Variants in RAB6A observed in about 807,000 individuals in gnomAD.
RAB6A encodes RAB6A, member RAS oncogene family, also known as ras-related protein Rab-6A.
RAB6A carries 8 observed loss-of-function variants against 32.3 expected under a neutral mutation model. The ratio of observed to expected loss-of-function variants is 0.25; its 90% confidence interval spans 0.15 to 0.45. The LOEUF (loss-of-function observed/expected upper bound fraction) is 0.45. Among genes scored for constraint, RAB6A ranks in the 20% least tolerant of loss-of-function variants. The pLI is 1.00. For synonymous variants in RAB6A, 73 were observed against 82.1 expected, an observed-to-expected ratio of 0.89 and a Z score of 0.60; for missense variants, 104 against 249.4, an observed-to-expected ratio of 0.42 and a Z score of 3.93.
At chr11:73,725,810 T>TA (rs1946209162) in intron 2 of RAB6A, among the ~76,000 whole-genome samples, 2 of 151,936 alleles carry the variant, frequency 1.3e-5, no homozygotes, top group South Asian at 4.2e-4. Flanking sequence ...GAGTCTAAGC[T>TA]AAAAAAGGAG....
At chr11:73,678,344 C>T (rs1030007562) in intron 7 of RAB6A, among the ~76,000 whole-genome samples, 16 of 152,178 alleles carry the variant, frequency 1.1e-4, no homozygotes, top group African/African-American at 3.6e-4. Context: ...AGGCCGGGTG[C>T]CGTGGCTCAT....
intron 2 of RAB6A, among the ~76,000 whole-genome samples, chr11:73,725,659 C>T (rs1471004265): frequency 6.6e-6 from 1 of 152,058 alleles, no homozygotes; most frequent in Admixed American, 6.5e-5. Flanking sequence ...TGTGGGAAAC[C>T]ACCCCCAATG....
intron 2 of RAB6A, among the ~76,000 whole-genome samples, chr11:73,724,765 C>G (rs1469886153): frequency 6.6e-6 from 1 of 152,150 alleles, no homozygotes; most frequent in Non-Finnish European, 1.5e-5. Flanking sequence ...GGATTACAGG[C>G]GTGAGCCACT....
At chr11:73,716,494 C>A in intron 4 of RAB6A, 132 bp from the exon 5 acceptor site, 1 of 564,642 alleles carries the variant, frequency 1.8e-6, no homozygotes. Flanking sequence ...TTTAATGTGC[C>A]TGCAACATAA....
chr11:73,678,656 C>T (rs1423826461), intron 7 of RAB6A, among the ~76,000 whole-genome samples: 1 of 150,972 alleles, frequency 6.6e-6, no homozygotes, highest in African/African-American at 2.4e-5. Flanking sequence ...TACTTCAACT[C>T]AATAGAACAT....
Position 73,677,883 on chromosome 11 carries a change from A to G in RAB6A, c.*15T>C, listed in dbSNP as rs749343424. ...GCAGTGAGCTTCTGAAGAAGGTTGAAGATGACATGGGAGATTAGCAGGAAC... is the reference window on the plus strand; with the variant it reads ...GCAGTGAGCTTCTGAAGAAGGTTGAGGATGACATGGGAGATTAGCAGGAAC... On this transcript the variant is annotated 3_prime_UTR_variant, in exon 8 of 8. Coordinates refer to ENST00000336083, the MANE Select transcript of RAB6A (RefSeq NM_198896.2). 3 of 1,614,194 alleles carry G rather than the reference A, an allele frequency of 1.9e-6. No individual in the cohort carries two copies. The South Asian group carries it at 3.3e-5, about 18-fold the overall frequency.
intron 5 of RAB6A, among the ~76,000 whole-genome samples, chr11:73,713,057 CATCTT>C (rs766413100): frequency 3.9e-4 from 59 of 152,172 alleles, no homozygotes; most frequent in Non-Finnish European, 7.1e-4. Context: ...TCATCTTGTT[CATCTT>C]ATCTTATAAC....
chr11:73,759,328 C>T (rs1055959959), intron 1 of RAB6A, among the ~76,000 whole-genome samples: 1 of 151,488 alleles, frequency 6.6e-6, no homozygotes, highest in Non-Finnish European at 1.5e-5. Context: ...TATAATACAG[C>T]ATAAAACTGG....
intron 4 of RAB6A, among the ~76,000 whole-genome samples, chr11:73,717,604 C>A (rs913512176): frequency 6.6e-6 from 1 of 152,226 alleles, no homozygotes; most frequent in Non-Finnish European, 1.5e-5. Flanking sequence ...ACCACCACAC[C>A]TGGCTAATTT....
At chr11:73,715,691 G>A (rs1329713761) in intron 5 of RAB6A, among the ~76,000 whole-genome samples, 1 of 152,214 alleles carries the variant, frequency 6.6e-6, no homozygotes, top group East Asian at 1.9e-4. Context: ...GTCCTACAGT[G>A]AATGTTAATA....
intron 4 of RAB6A, among the ~76,000 whole-genome samples, chr11:73,717,407 AATGGTTCAT>A (rs2134944118): frequency 6.6e-6 from 1 of 152,344 alleles, no homozygotes; most frequent in African/African-American, 2.4e-5. Context: ...GGCTGGGCAC[AATGGTTCAT>A]GCCTGTAACC....
At chr11:73,739,868 G>T (rs1315996173) in intron 1 of RAB6A, among the ~76,000 whole-genome samples, 1 of 151,942 alleles carries the variant, frequency 6.6e-6, no homozygotes, top group Non-Finnish European at 1.5e-5. Flanking sequence ...CACCACCCTG[G>T]CTAACACAGT....
rs115853831 is a variant in RAB6A, at chr11:73,757,608, C to T, written c.70+2958G>A. 1.1e-3 allele frequency among the ~76,000 whole-genome samples: 173 copies of T among 152,122 alleles called. 1 individual carries two copies. Among genetic ancestry groups the T allele is most frequent in the African/African-American group, 4.0e-3 (164 of 41,492 alleles). On this transcript the variant is annotated intron_variant, in intron 1 of 7. Transcript: ENST00000336083. ...ATTTAACAACTTTAATAAAGGAAGACGAATTTTGCTCAACTCAAAAAAAAG... is the reference window on the plus strand; with the variant it reads ...ATTTAACAACTTTAATAAAGGAAGATGAATTTTGCTCAACTCAAAAAAAAG...
At chr11:73,736,809 G>GAAAAAAAAAAAAAAAAAAAAA (rs756237159) in intron 1 of RAB6A, among the ~76,000 whole-genome samples, 1 of 108,764 alleles carries the variant, frequency 9.2e-6, no homozygotes, top group Non-Finnish European at 1.7e-5. Context: ...AAAAAAAAAA[G>GAAAAAAAAAAAAAAAAAAAAA]AAAAAAAAAA....
chr11:73,679,287 G>A (rs1480342556), intron 7 of RAB6A, among the ~76,000 whole-genome samples: 3 of 152,212 alleles, frequency 2.0e-5, no homozygotes, highest in Admixed American at 1.3e-4. Flanking sequence ...TCTTGCCTGT[G>A]TCAAGTAGAA....
rs2134852696 is a variant in RAB6A, at chr11:73,676,692, CT to C, written c.*1205del. 1 of 167,180 alleles carries C rather than the reference CT, an allele frequency of 6.0e-6. No homozygotes were observed. Among genetic ancestry groups the C allele is most frequent in the South Asian group, 2.1e-4 (1 of 4,822 alleles). The allele number at this position is 167,180 out of a possible 1,614,324, so 10.4% of individuals were successfully genotyped here. On this transcript the variant is annotated 3_prime_UTR_variant, in exon 8 of 8. Coordinates refer to ENST00000336083, the MANE Select transcript of RAB6A (RefSeq NM_198896.2). ...ATTTCCATTCTCTCCTTTCCCTCTACTATGTATGCTTTACCTGATCTGCCTC... is the reference window on the plus strand; with the variant it reads ...ATTTCCATTCTCTCCTTTCCCTCTACATGTATGCTTTACCTGATCTGCCTC...
intron 2 of RAB6A, among the ~76,000 whole-genome samples, chr11:73,726,017 T>A (rs1946213536): frequency 6.6e-6 from 1 of 152,066 alleles, no homozygotes; most frequent in Non-Finnish European, 1.5e-5. Flanking sequence ...CCGGGCATGG[T>A]GGCTCACATC....
chr11:73,695,225 T>C (rs1945637744), intron 6 of RAB6A, among the ~76,000 whole-genome samples: 1 of 151,964 alleles, frequency 6.6e-6, no homozygotes, highest in Non-Finnish European at 1.5e-5. Context: ...TACTTCTTGG[T>C]TTAAAAAAAA....
Position 73,760,744 on chromosome 11 carries a change from T to C in RAB6A, c.-109A>G, listed in dbSNP as rs1946832772. 4 of 1,484,298 alleles carry C rather than the reference T, an allele frequency of 2.7e-6. No homozygotes were observed. In the Admixed American group the frequency reaches 6.2e-5, roughly 23 times the overall value. 91.9% of individuals were successfully genotyped at this position (1,484,298 alleles called of 1,614,324 possible). ...GCGGAAGGGCGGGCACCGAGCTCTC[T>C]CGGCCCCTGCAAGGCCCGGTGGAGG... is the stretch of plus-strand genomic sequence containing the variant. On this transcript the variant is annotated 5_prime_UTR_variant, in exon 1 of 8. Transcript: ENST00000336083.
Sources: gnomAD v4.1 joint callset for allele counts (sites outside exome capture counted in the v4.1 genomes callset) on GRCh38, gnomAD v4.1.1 for gene constraint, MANE v1.5 for transcripts, NCBI Gene and HGNC (gene_info 2026-07-23, HGNC 2026-07-21) for gene names.